DNAH12: variants seen among roughly 807,000 people sequenced by gnomAD.
DNAH12 encodes the protein dynein axonemal heavy chain 12, also known as axonemal beta dynein heavy chain 12.
A neutral mutation model predicts 371.5 loss-of-function variants in DNAH12; 285 were observed. The observed-to-expected ratio is 0.77, with a 90% CI of 0.70 to 0.85. The LOEUF is 0.85. Ranked by LOEUF, DNAH12 falls within the 40% of genes least tolerant of loss-of-function variation. The pLI, the probability that DNAH12 is intolerant of heterozygous loss-of-function variation, is 0.00. For synonymous variants in DNAH12, 1,200 were observed against 1,213.0 expected, an observed-to-expected ratio of 0.99 and a Z score of 0.22; for missense variants, 3,611 against 3,689.4, an observed-to-expected ratio of 0.98 and a Z score of 0.55.
chr3:57,342,612 C>T (rs779791625), intron 60 of DNAH12, among the ~76,000 whole-genome samples: 4 of 128,122 alleles, frequency 3.1e-5, no homozygotes, highest in Non-Finnish European at 4.7e-5. Context: ...GAGTCAAGAT[C>T]GCACCACTGC....
intron 42 of DNAH12, among the ~76,000 whole-genome samples, chr3:57,403,919 T>C (rs1553680046): frequency 1.3e-5 from 2 of 152,164 alleles, no homozygotes; most frequent in Non-Finnish European, 1.5e-5. Flanking sequence ...ATTAAAATGA[T>C]AATGAGATAC....
chr3:57,419,655 A>C, intron 36 of DNAH12, 137 bp from the exon 37 acceptor site: 1 of 515,574 alleles, frequency 1.9e-6, no homozygotes. Flanking sequence ...TTACATTCAC[A>C]TAAAAGAACA....
At chr3:57,402,193 T>G (rs2063892017) in intron 43 of DNAH12, among the ~76,000 whole-genome samples, 1 of 152,252 alleles carries the variant, frequency 6.6e-6, no homozygotes. Flanking sequence ...GAGCTTGGAT[T>G]CTACCATTTC....
chr3:57,334,323 G>T, intron 62 of DNAH12, 142 bp downstream of exon 62: 4 of 924,256 alleles, frequency 4.3e-6, no homozygotes, highest in Non-Finnish European at 4.5e-6. Context: ...TAAACCCACA[G>T]ATCTAAATCC....
chr3:57,352,024 G>T (rs1300399995), intron 60 of DNAH12, 61 bp downstream of exon 60: 4 of 1,434,706 alleles, frequency 2.8e-6, no homozygotes, highest in Non-Finnish European at 3.7e-6. Flanking sequence ...CATATTCACA[G>T]ATTTGATTTT....
Position 57,403,429 on chromosome 3 carries a change from A to C in DNAH12, c.6828T>G (p.Gly2276=), listed in dbSNP as rs1253402169. The C allele has an allele frequency of 1.4e-5, 22 of 1,551,440 alleles. No homozygotes were observed. Among genetic ancestry groups the C allele is most frequent in the Non-Finnish European group, 1.8e-5 (21 of 1,146,896 alleles). The change falls in exon 43 of 74, where the codon GGT becomes GGG. Residue 2276 remains glycine (G), a synonymous_variant. Coordinates refer to ENST00000495027, the MANE Select transcript of DNAH12 (RefSeq NM_001366028.2). The part of the protein sequence containing the change: ...KQSGGNALLV[G]LGGSGRQSLT... Reference sequence around the variant, plus strand: ...AAGATTGACGACCACTTCCTCCAAGACCAACAAGCAAAGCATTTCCACCAG... The same window carrying C: ...AAGATTGACGACCACTTCCTCCAAGCCCAACAAGCAAAGCATTTCCACCAG...
chr3:57,546,654 T>C (rs2069579850), upstream of DNAH12, among the ~76,000 whole-genome samples: 1 of 152,178 alleles, frequency 6.6e-6, no homozygotes, highest in Admixed American at 6.5e-5. Flanking sequence ...TGAATGTCAA[T>C]TTGGTTAGGC....
intron 59 of DNAH12, among the ~76,000 whole-genome samples, chr3:57,355,883 A>G (rs1575496165): frequency 6.6e-6 from 1 of 152,240 alleles, no homozygotes; most frequent in African/African-American, 2.4e-5. Context: ...TAACAAGTAC[A>G]GCAGTTAGTA....
In DNAH12 at chr3:57,352,226, C is replaced by A. The variant is rs1553660685; in HGVS notation, c.9534-1G>T. On this transcript the variant is annotated splice_acceptor_variant, in intron 59 of 73. Transcript: ENST00000495027. LOFTEE classifies it high-confidence loss of function. ...CTTTTCCAAAATCTTGGATTTGTTA[C>A]TAAAGTTAAAAAGAAGGAAAACGTA... The A allele has an allele frequency of 3.3e-6, 5 of 1,528,596 alleles. No individual in the cohort carries two copies. The Admixed American group carries it at 9.1e-5, about 28-fold the overall frequency. 94.7% of individuals were successfully genotyped at this position (1,528,596 alleles called of 1,614,324 possible). A position where few individuals can be genotyped will look rare whatever the true frequency, so the allele number is the denominator to read the frequency against.
At chr3:57,516,915 C>G (rs2068221582) in intron 4 of DNAH12, among the ~76,000 whole-genome samples, 1 of 152,214 alleles carries the variant, frequency 6.6e-6, no homozygotes. Flanking sequence ...CTACAAGGCC[C>G]TCATCTCTGG....
the DNAH12 span, among the ~76,000 whole-genome samples, chr3:57,552,116 G>A: frequency 1.3e-5 from 2 of 151,970 alleles, no homozygotes; most frequent in Admixed American, 6.5e-5. Context: ...ATGGTGGCAG[G>A]TGCCTGCAGT....
At chr3:57,525,719 A>C (rs1341574461) in intron 2 of DNAH12, among the ~76,000 whole-genome samples, 1 of 142,732 alleles carries the variant, frequency 7.0e-6, no homozygotes, top group Non-Finnish European at 1.5e-5. Context: ...TTTTTATTAT[A>C]GTTACCCTGT....
At chr3:57,424,548 C>T (rs1249545340) in intron 35 of DNAH12, among the ~76,000 whole-genome samples, 11 of 148,798 alleles carry the variant, frequency 7.4e-5, no homozygotes, top group Non-Finnish European at 8.9e-5. Context: ...GAGGCCGATG[C>T]GGGTGGATCA....
chr3:57,314,759 T>TA (rs945833644), intron 65 of DNAH12, 128 bp from the exon 66 acceptor site: 31 of 988,530 alleles, frequency 3.1e-5, no homozygotes, highest in Non-Finnish European at 4.1e-5. Flanking sequence ...ACTTCTATTT[T>TA]AAAAAAATCC....
rs2064112643 is a variant in DNAH12, at chr3:57,408,679, A to T, written c.6021-144T>A. ...AGATAACACTTTGAGTAGGAGAGAA[A>T]TTTTTTTTAAAGCAGAATTTGGTTT... On this transcript the variant is annotated intron_variant, in intron 39 of 73. Transcript: ENST00000495027. 4.6e-6 allele frequency: 5 copies of T among 1,078,020 alleles called. 1 individual carries two copies. The highest frequency in any genetic ancestry group is 5.6e-5 in the South Asian group (2 of 36,016). 66.8% of individuals were successfully genotyped at this position (1,078,020 alleles called of 1,614,324 possible). A position where few individuals can be genotyped will look rare whatever the true frequency, so the allele number is the denominator to read the frequency against.
chr3:57,446,445 C>A, intron 26 of DNAH12, 92 bp downstream of exon 26: 7 of 1,441,184 alleles, frequency 4.9e-6, no homozygotes, highest in Non-Finnish European at 5.5e-6. Context: ...AAACCACATT[C>A]ATGTTTAAAC....
chr3:57,327,960 G>A lies in DNAH12; in HGVS notation c.9979-4341C>T, dbSNP rs964376258. ...CTACACAAATAAACTAGAAAATCTAGAAGAAATGGATAAATTCCTCGACAC... is the reference window on the plus strand; with the variant it reads ...CTACACAAATAAACTAGAAAATCTAAAAGAAATGGATAAATTCCTCGACAC... On this transcript the variant is annotated intron_variant, in intron 62 of 73. Transcript: ENST00000495027. Among the ~76,000 whole-genome samples, 149 of 148,966 alleles carry A rather than the reference G, an allele frequency of 1.0e-3. 1 individual carries two copies. Among genetic ancestry groups the A allele is most frequent in the African/African-American group, 3.5e-3 (141 of 39,868 alleles).
intron 66 of DNAH12, among the ~76,000 whole-genome samples, chr3:57,313,424 G>A (rs559512279): frequency 6.6e-6 from 1 of 152,292 alleles, no homozygotes; most frequent in East Asian, 1.9e-4. Context: ...AGGTGAGGCA[G>A]GTGGATTGCC....
intron 72 of DNAH12, 124 bp from the exon 73 acceptor site, chr3:57,295,716 TAAAA>T (rs900120717): frequency 1.3e-6 from 1 of 783,408 alleles, no homozygotes; most frequent in Non-Finnish European, 1.9e-6. Flanking sequence ...AAAAGAAATG[TAAAA>T]AAAGAAAATG....
Sources: gnomAD v4.1 joint callset for allele counts (sites outside exome capture counted in the v4.1 genomes callset) on GRCh38, gnomAD v4.1.1 for gene constraint, MANE v1.5 for transcripts, NCBI Gene and HGNC (gene_info 2026-07-23, HGNC 2026-07-21) for gene names.